Variants in SUZ12 observed in about 807,000 individuals in gnomAD.
SUZ12 encodes the protein SUZ12 polycomb repressive complex 2 subunit, also known as polycomb protein SUZ12.
SUZ12 carries 17 observed loss-of-function variants against 87.3 expected under a neutral mutation model. The observed-to-expected ratio is 0.19, with a 90% CI of 0.13 to 0.29. The LOEUF is 0.29. SUZ12 is among the 10% of genes least tolerant of loss of function. SUZ12 has a pLI of 1.00. For missense variants in SUZ12, 526 were observed against 912.2 expected, an observed-to-expected ratio of 0.58 and a Z score of 5.45; for synonymous variants, 253 against 312.4, an observed-to-expected ratio of 0.81 and a Z score of 2.01.
chr17:31,941,756 A>G, intron 3 of SUZ12, among the ~76,000 whole-genome samples: 1 of 150,602 alleles, frequency 6.6e-6, no homozygotes, highest in African/African-American at 2.5e-5. Flanking sequence ...TCTCTGTGTT[A>G]GCCAGGATGG....
intron 10 of SUZ12, among the ~76,000 whole-genome samples, chr17:31,990,344 T>A (rs1386511833): frequency 6.6e-6 from 1 of 151,494 alleles, no homozygotes; most frequent in Non-Finnish European, 1.5e-5. Context: ...CCTCCTGACG[T>A]CGTGCTCTGC....
At chr17:31,969,924 C>T (rs1159461146) in intron 5 of SUZ12, among the ~76,000 whole-genome samples, 1 of 151,948 alleles carries the variant, frequency 6.6e-6, no homozygotes, top group Admixed American at 6.6e-5. Flanking sequence ...TTCTTATTTT[C>T]TTACTATTAA....
At position 31,963,633 on chromosome 17, in the gene SUZ12, C is replaced by CT. The variant is rs1376750848; in HGVS notation, c.456-2513dup. Among the ~76,000 whole-genome samples, 59 of 152,142 alleles carry CT rather than the reference C, an allele frequency of 3.9e-4. No individual in the cohort carries two copies. The South Asian group carries it at 5.2e-3, about 13-fold the overall frequency. On this transcript the variant is annotated intron_variant, in intron 4 of 15. Transcript: ENST00000322652. Reference sequence around the variant, plus strand: ...TGACCTTTGAGTTCAAGCAATTCTCCTGCCTCAGCCTCCCGAGTAGCTGGG... The same window carrying CT: ...TGACCTTTGAGTTCAAGCAATTCTCCTTGCCTCAGCCTCCCGAGTAGCTGGG...
At chr17:31,973,672 A>G (rs1435767983) in intron 6 of SUZ12, among the ~76,000 whole-genome samples, 9 of 152,286 alleles carry the variant, frequency 5.9e-5, no homozygotes, top group Non-Finnish European at 4.4e-5. Flanking sequence ...TTATTAGTAC[A>G]TTGCTTCAAA....
intron 3 of SUZ12, among the ~76,000 whole-genome samples, chr17:31,944,745 TGTGTAACATTTAGTACTTAACCTTAC>T (rs1466246143): frequency 5.3e-5 from 8 of 152,298 alleles, no homozygotes; most frequent in South Asian, 2.1e-4. Flanking sequence ...GAGGATTGCT[TGTGTAACATTTAGTACTTAACCTTAC>T]GTAATTATGA....
At chr17:31,990,499 C>G (rs550213) in intron 10 of SUZ12, among the ~76,000 whole-genome samples, 23,617 of 151,684 alleles carry the variant, frequency 0.16, 2,035 homozygotes, top group African/African-American at 0.22. Flanking sequence ...GAGTAGCTGA[C>G]ATTACAGGCA....
At chr17:31,951,112 T>C (rs1257570824) in intron 4 of SUZ12, among the ~76,000 whole-genome samples, 1 of 152,128 alleles carries the variant, frequency 6.6e-6, no homozygotes, top group East Asian at 1.9e-4. Flanking sequence ...TTTGACTGGG[T>C]CCCAGATCTG....
At chr17:31,994,435 T>G in intron 12 of SUZ12, 129 bp from the exon 13 acceptor site, 1 of 781,088 alleles carries the variant, frequency 1.3e-6, no homozygotes, top group Non-Finnish European at 1.8e-6. Context: ...ACTGCCTGTT[T>G]ACCATGCTGG....
At chr17:31,969,095 A>G (rs895071014) in intron 5 of SUZ12, among the ~76,000 whole-genome samples, 30 of 151,966 alleles carry the variant, frequency 2.0e-4, no homozygotes, top group South Asian at 4.2e-4. Flanking sequence ...TCATGCCTCC[A>G]CCTCCCAAGT....
rs568504573 is a variant in SUZ12 at position 31,990,095 on chromosome 17, C to T, written c.1201+1598C>T. The stretch of plus-strand genomic sequence containing the variant: ...TCAGCCTCCCGAGTAGCTGGGACTA[C>T]AGGCGCCGGCCACCATGCCCGGCTA... On this transcript the variant is annotated intron_variant, in intron 10 of 15. Transcript: ENST00000322652. Among the ~76,000 whole-genome samples the T allele has an allele frequency of 8.8e-5, 13 of 148,378 alleles. No individual in the cohort carries two copies. The South Asian group carries it at 2.8e-3, about 32-fold the overall frequency.
chr17:31,940,572 C>G, intron 3 of SUZ12, 86 bp downstream of exon 3: 2 of 1,498,812 alleles, frequency 1.3e-6, no homozygotes, highest in East Asian at 2.4e-5. Context: ...AAAAAAAAAA[C>G]GAACAAAAAT....
At chr17:31,941,861 T>C (rs1906307132) in intron 3 of SUZ12, among the ~76,000 whole-genome samples, 2 of 150,856 alleles carry the variant, frequency 1.3e-5, no homozygotes, top group Non-Finnish European at 3.0e-5. Context: ...ACCTTCTTTT[T>C]CTTTTTTTGA....
At chr17:31,971,288 CTG>C (rs1908412792) in intron 5 of SUZ12, among the ~76,000 whole-genome samples, 1 of 151,962 alleles carries the variant, frequency 6.6e-6, no homozygotes, top group African/African-American at 2.4e-5. Flanking sequence ...TTAGTTGTCT[CTG>C]TGCATTCATA....
In SUZ12 at chr17:31,966,130, C is replaced by CTTTT. The variant is rs79205882; in HGVS notation, c.456-6_456-3dup. On this transcript the variant is annotated splice_polypyrimidine_tract_variant and intron_variant, in intron 4 of 15. Coordinates refer to ENST00000322652, the MANE Select transcript of SUZ12 (RefSeq NM_015355.4). ...GAGCATTACAATGATAAAATATTTC[C>CTTTT]TTTTTTTTTTTTTTAGCTTGTCAGC... 1.2e-5 allele frequency: 17 copies of CTTTT among 1,420,002 alleles called. No homozygotes were observed. Among genetic ancestry groups the CTTTT allele is most frequent in the South Asian group, 2.6e-5 (2 of 76,350 alleles). The allele number at this position is 1,420,002 out of a possible 1,614,324, so 88.0% of individuals were successfully genotyped here.
intron 5 of SUZ12, among the ~76,000 whole-genome samples, chr17:31,972,221 G>A (rs992877167): frequency 1.3e-5 from 2 of 151,912 alleles, no homozygotes; most frequent in Admixed American, 6.6e-5. Context: ...GGAGGCAGAA[G>A]TTGCAGTGAA....
At chr17:31,949,659 AGCCCCC>A (rs1906832147) in intron 4 of SUZ12, among the ~76,000 whole-genome samples, 1 of 2,028 alleles carries the variant, frequency 4.9e-4, no homozygotes, top group African/African-American at 1.3e-3. Flanking sequence ...CACCACACCC[AGCCCCC>A]CCCCCCCCCC....
chr17:31,970,013 G>A (rs951059369), intron 5 of SUZ12, among the ~76,000 whole-genome samples: 4 of 151,658 alleles, frequency 2.6e-5, no homozygotes, highest in African/African-American at 9.7e-5. Context: ...AGCCTCCCGG[G>A]CTCAAGCGAT....
chr17:31,969,837 G>C (rs1158429954), intron 5 of SUZ12, among the ~76,000 whole-genome samples: 3 of 152,112 alleles, frequency 2.0e-5, no homozygotes, highest in Admixed American at 6.6e-5. Flanking sequence ...AGTTTGAATA[G>C]AGTCTGGGCA....
At chr17:31,993,046 C>A (rs61399810) in intron 10 of SUZ12, among the ~76,000 whole-genome samples, 196 bp from the exon 11 acceptor site, 1 of 152,216 alleles carries the variant, frequency 6.6e-6, no homozygotes, top group African/African-American at 2.4e-5. Context: ...TGCCAATAGA[C>A]CTTAACATCA....
Sources: allele counts gnomAD v4.1 joint callset (sites outside exome capture counted in the v4.1 genomes callset), GRCh38; gene constraint gnomAD v4.1.1; transcripts MANE v1.5; gene names NCBI Gene and HGNC (gene_info 2026-07-23, HGNC 2026-07-21).